NCKAP5: variants seen among roughly 807,000 people sequenced by gnomAD.
The protein encoded by NCKAP5 is nck-associated protein 5.
Under a neutral mutation model 167.0 loss-of-function variants are expected in NCKAP5, and 92 were observed. The ratio of observed to expected loss-of-function variants is 0.55; its 90% confidence interval spans 0.47 to 0.66. NCKAP5 has a LOEUF of 0.66. Ranked by LOEUF, NCKAP5 falls within the 30% of genes least tolerant of loss-of-function variation. The pLI is 0.00. For missense variants in NCKAP5, 2,378 were observed against 2,315.0 expected (o/e 1.03, Z -0.56); for synonymous variants, 891 against 877.4 (o/e 1.02, Z -0.27).
At chr2:132,939,340 G>C (rs978778708) in intron 8 of NCKAP5, among the ~76,000 whole-genome samples, 1 of 152,240 alleles carries the variant, frequency 6.6e-6, no homozygotes, top group African/African-American at 2.4e-5. Context: ...AATTTTATTG[G>C]ATGTCATTCA....
intron 2 of NCKAP5, among the ~76,000 whole-genome samples, chr2:133,542,267 C>T (rs1686288045): frequency 6.6e-6 from 1 of 152,192 alleles, no homozygotes; most frequent in Non-Finnish European, 1.5e-5. Flanking sequence ...CAGCTACGTA[C>T]TAAGTATAAT....
chr2:133,609,665 C>T, the NCKAP5 span, among the ~76,000 whole-genome samples: 1 of 152,114 alleles, frequency 6.6e-6, no homozygotes, highest in African/African-American at 2.4e-5. Context: ...AGCTTCATGT[C>T]TAGGATCATC....
intron 5 of NCKAP5, among the ~76,000 whole-genome samples, chr2:133,208,482 G>C (rs1167996796): frequency 6.6e-6 from 1 of 152,118 alleles, no homozygotes; most frequent in African/African-American, 2.4e-5. Flanking sequence ...ATCCCAATGA[G>C]ACAAATGCCA....
chr2:133,347,001 T>C (rs1684022141), intron 3 of NCKAP5, among the ~76,000 whole-genome samples: 1 of 152,172 alleles, frequency 6.6e-6, no homozygotes, highest in Non-Finnish European at 1.5e-5. Context: ...GCCCTGAAAA[T>C]GAACATGCTT....
At chr2:133,295,879 G>T (rs1252700251) in intron 4 of NCKAP5, among the ~76,000 whole-genome samples, 1 of 152,150 alleles carries the variant, frequency 6.6e-6, no homozygotes, top group Admixed American at 6.5e-5. Flanking sequence ...ATTTGATTTT[G>T]ATCATGGAGA....
chr2:133,053,930 T>C (rs879480362), intron 6 of NCKAP5, among the ~76,000 whole-genome samples: 3 of 152,176 alleles, frequency 2.0e-5, no homozygotes, highest in Non-Finnish European at 2.9e-5. Context: ...TAATTTAACT[T>C]CAAAATTTCA....
At chr2:132,732,198 A>G in intron 16 of NCKAP5, 147 bp from the exon 17 acceptor site, 1 of 730,186 alleles carries the variant, frequency 1.4e-6, no homozygotes, top group Non-Finnish European at 2.2e-6. Flanking sequence ...AAGGACAGAA[A>G]ACCAAACACC....
rs1401202419 is a variant in NCKAP5 at position 133,466,865 on chromosome 2, G to C, written c.69+50593C>G. 6.8e-3 allele frequency among the ~76,000 whole-genome samples: 1,034 copies of C among 152,034 alleles called. 14 individuals are homozygous for C. Among genetic ancestry groups the C allele is most frequent in the African/African-American group, 0.022 (927 of 41,346 alleles). On this transcript the variant is annotated intron_variant, in intron 3 of 19. Coordinates refer to ENST00000409261, the MANE Select transcript of NCKAP5 (RefSeq NM_207363.3). ...TGATTTTTGTACATTGATTTTGTAT[G>C]CTGAGACTTTGCTGAAGTTGCTTAT... is the stretch of plus-strand genomic sequence containing the variant.
the NCKAP5 span, among the ~76,000 whole-genome samples, chr2:133,601,076 T>C: frequency 1.3e-5 from 2 of 152,188 alleles, no homozygotes; most frequent in African/African-American, 2.4e-5. Context: ...TTACGGCGCC[T>C]TGTCCTGAAG....
At chr2:133,555,507 G>A (rs1322823710) in intron 2 of NCKAP5, among the ~76,000 whole-genome samples, 1 of 152,234 alleles carries the variant, frequency 6.6e-6, no homozygotes, top group African/African-American at 2.4e-5. Context: ...CATTGTCTGA[G>A]GACTTCCAGG....
chr2:133,274,857 G>A (rs989930453), intron 4 of NCKAP5, among the ~76,000 whole-genome samples: 1 of 151,592 alleles, frequency 6.6e-6, no homozygotes, highest in East Asian at 1.9e-4. Context: ...AACATAAAAA[G>A]CAAATTTATA....
At chr2:132,930,127 C>A (rs1410191569) in intron 8 of NCKAP5, 1 of 152,200 alleles carries the variant, frequency 6.6e-6, no homozygotes, top group Non-Finnish European at 1.5e-5. Flanking sequence ...CATACTGGTT[C>A]TGCTTCCCTG....
chr2:133,229,724 C>G, intron 4 of NCKAP5, among the ~76,000 whole-genome samples: 1 of 152,116 alleles, frequency 6.6e-6, no homozygotes, highest in East Asian at 1.9e-4. Context: ...CATTCTTAAC[C>G]TTAATGCTAT....
At chr2:133,642,637 G>A in the NCKAP5 span, among the ~76,000 whole-genome samples, 1 of 152,116 alleles carries the variant, frequency 6.6e-6, no homozygotes, top group African/African-American at 2.4e-5. Context: ...CAGGCTGAAC[G>A]GTAAACATTC....
intron 2 of NCKAP5, among the ~76,000 whole-genome samples, chr2:133,537,101 T>C (rs1057040136): frequency 2.6e-5 from 4 of 152,100 alleles, no homozygotes; most frequent in Admixed American, 2.6e-4. Context: ...CAAAAGTCTA[T>C]TGACTATAAG....
intron 5 of NCKAP5, among the ~76,000 whole-genome samples, chr2:133,159,273 C>T (rs143739786): frequency 1.5e-4 from 23 of 152,248 alleles, no homozygotes; most frequent in Admixed American, 3.9e-4. Flanking sequence ...ATGAGGTCCT[C>T]GGTTCTGCAA....
intron 3 of NCKAP5, among the ~76,000 whole-genome samples, chr2:133,315,454 T>C (rs989471523): frequency 1.4e-4 from 21 of 152,174 alleles, no homozygotes; most frequent in African/African-American, 4.8e-4. Context: ...CCTTTGGCAG[T>C]GAAGTTTGTG....
intron 8 of NCKAP5, among the ~76,000 whole-genome samples, chr2:132,915,850 G>C (rs571086609): frequency 6.6e-6 from 1 of 152,098 alleles, no homozygotes; most frequent in South Asian, 2.1e-4. Flanking sequence ...GACCTAATCT[G>C]ACCCCAGAGG....
chr2:132,952,908 A>G (rs866953186), intron 8 of NCKAP5, among the ~76,000 whole-genome samples: 1 of 152,222 alleles, frequency 6.6e-6, no homozygotes, highest in South Asian at 2.1e-4. Context: ...TTGATGCTCT[A>G]CAGATGGATT....
Sources: allele counts gnomAD v4.1 joint callset (sites outside exome capture counted in the v4.1 genomes callset), GRCh38; gene constraint gnomAD v4.1.1; transcripts MANE v1.5; gene names NCBI Gene and HGNC (gene_info 2026-07-23, HGNC 2026-07-21).